The following FAM120A variants were observed in gnomAD, a reference collection of about 807,000 sequenced individuals.
FAM120A encodes the protein family with sequence similarity 120 member A, also known as constitutive coactivator of PPAR-gamma-like protein 1.
A neutral mutation model predicts 109.7 loss-of-function variants in FAM120A; 15 were observed. The ratio of observed to expected loss-of-function variants is 0.14; its 90% CI spans 0.09 to 0.21. FAM120A has a LOEUF of 0.21. Among genes scored for constraint, FAM120A ranks in the 10% least tolerant of loss-of-function variants. The probability of loss-of-function intolerance (pLI) is 1.00; values close to 1 mark genes in which losing one functional copy is unlikely to be tolerated. For missense variants in FAM120A, 899 were observed against 1,439.3 expected (o/e 0.62, Z 6.07); for synonymous variants, 493 against 572.8 (o/e 0.86, Z 1.99).
chr9:93,523,720 AGCGAGAAGT>A (rs1234100702), intron 7 of FAM120A, among the ~76,000 whole-genome samples: 1 of 152,232 alleles, frequency 6.6e-6, no homozygotes, highest in Non-Finnish European at 1.5e-5. Flanking sequence ...TTCTGATGAC[AGCGAGAAGT>A]GCCAACAAGG....
Position 93,564,387 on chromosome 9 carries a change from G to T in FAM120A, c.3204G>T (p.Thr1068=), listed in dbSNP as rs377566974. The change falls in exon 18 of 18, where the codon ACG becomes ACT. Residue 1068 remains threonine (T), a synonymous_variant. Coordinates refer to ENST00000277165, the MANE Select transcript of FAM120A (RefSeq NM_014612.5). The part of the protein sequence containing the change: ...EKPAPQMNGS[T]GDARAPSHSE... The stretch of plus-strand genomic sequence containing the variant: ...CGGCTCCCCAGATGAACGGGAGCAC[G>T]GGTGACGCCAGGGCCCCCAGCCACT... The T allele has an allele frequency of 6.2e-7, 1 of 1,614,096 alleles. No individual in the cohort carries two copies. The highest frequency in any genetic ancestry group is 8.5e-7 in the Non-Finnish European group (1 of 1,180,012).
chr9:93,510,259 A>G (rs1860250863), intron 5 of FAM120A, among the ~76,000 whole-genome samples: 3 of 152,220 alleles, frequency 2.0e-5, no homozygotes, highest in African/African-American at 4.8e-5. Context: ...AGGAAGTGAC[A>G]CAGGCTGCCT....
chr9:93,498,974 G>A lies in FAM120A; in HGVS notation c.1030+88G>A. 2 of 925,806 alleles carry A rather than the reference G, an allele frequency of 2.2e-6. No homozygotes were observed. The highest frequency in any genetic ancestry group is 1.7e-6 in the Non-Finnish European group (1 of 574,518). The allele number at this position is 925,806 out of a possible 1,614,324, so 57.3% of individuals were successfully genotyped here. A position where few individuals can be genotyped will look rare whatever the true frequency, so the allele number is the denominator to read the frequency against. On this transcript the variant is annotated intron_variant, in intron 5 of 17. Coordinates refer to ENST00000277165, the MANE Select transcript of FAM120A (RefSeq NM_014612.5). This position sits in a 1 kb window ranked among gnomAD's most constrained non-coding sequence, Gnocchi z 4.4. ...TCACCATATAATCTTGTAGGTTTAT[G>A]TTTTTGAAACATGATTTTCTGTAGT... is the stretch of plus-strand genomic sequence containing the variant.
At position 93,463,956 on chromosome 9, in the gene FAM120A, A is replaced by G. The variant is rs187564714; in HGVS notation, c.475-7185A>G. Among the ~76,000 whole-genome samples, 4 of 152,356 alleles carry G rather than the reference A, an allele frequency of 2.6e-5. No individual in the cohort carries two copies. The East Asian group carries it at 7.7e-4, about 29-fold the overall frequency. ...ATTTGTGAATGCTTCTGAGCTGTTT[A>G]CATGTAGTATATTTAATCATCGCAG... On this transcript the variant is annotated intron_variant, in intron 1 of 17. Transcript: ENST00000277165.
At position 93,500,535 on chromosome 9, in the gene FAM120A, C is replaced by T. The variant is rs1409384666; in HGVS notation, c.1030+1649C>T. Among the ~76,000 whole-genome samples the T allele has an allele frequency of 6.6e-6, 1 of 152,228 alleles. No homozygotes were observed. Among genetic ancestry groups the T allele is most frequent in the East Asian group, 1.9e-4 (1 of 5,196 alleles). On this transcript the variant is annotated intron_variant, in intron 5 of 17. Transcript: ENST00000277165. The surrounding 1 kb of genome is among the most constrained non-coding windows in gnomAD (Gnocchi z 4.6). ...CCACCCCTTCCCCCGTCACTCCCCACAATGTAAAGTCTAGGGTAATGAGGG... is the reference window on the plus strand; with the variant it reads ...CCACCCCTTCCCCCGTCACTCCCCATAATGTAAAGTCTAGGGTAATGAGGG...
At chr9:93,523,003 C>T (rs142729629) in intron 7 of FAM120A, among the ~76,000 whole-genome samples, 12 of 152,258 alleles carry the variant, frequency 7.9e-5, no homozygotes, top group African/African-American at 2.4e-4. Context: ...ACCTGAAGCT[C>T]GCAGAACCTC....
intron 3 of FAM120A, among the ~76,000 whole-genome samples, chr9:93,485,532 G>A (rs1432609423): frequency 1.3e-5 from 2 of 152,164 alleles, no homozygotes; most frequent in African/African-American, 4.8e-5. Flanking sequence ...GGGATATCAA[G>A]GCTGCAGTGA....
intron 1 of FAM120A, among the ~76,000 whole-genome samples, chr9:93,463,675 A>G (rs1331478476): frequency 6.6e-6 from 1 of 152,186 alleles, no homozygotes; most frequent in Non-Finnish European, 1.5e-5. Flanking sequence ...ATTTAGGTGG[A>G]CCTATACGCT....
At position 93,451,898 on chromosome 9, in the gene FAM120A, C is replaced by T. The variant is rs1248681638; in HGVS notation, c.-18C>T. ...GCCGCCCCCCGCCCGCACCCGCGCCCGCGCCCCCGCCGCCGCCATGGGCGT... is the reference window on the plus strand; with the variant it reads ...GCCGCCCCCCGCCCGCACCCGCGCCTGCGCCCCCGCCGCCGCCATGGGCGT... On this transcript the variant is annotated 5_prime_UTR_variant, in exon 1 of 18. Transcript: ENST00000277165. The T allele has an allele frequency of 4.0e-6, 5 of 1,260,842 alleles. No homozygotes were observed. The African/African-American group carries it at 6.3e-5, about 16-fold the overall frequency. 78.1% of individuals were successfully genotyped at this position (1,260,842 alleles called of 1,614,324 possible).
intron 3 of FAM120A, among the ~76,000 whole-genome samples, chr9:93,489,881 A>G (rs1438799250): frequency 6.6e-6 from 1 of 152,166 alleles, no homozygotes; most frequent in African/African-American, 2.4e-5. Flanking sequence ...TCAAAAGCAG[A>G]GACTGCTGGG....
intron 7 of FAM120A, among the ~76,000 whole-genome samples, chr9:93,517,213 A>G (rs543703640): frequency 5.9e-5 from 9 of 152,366 alleles, no homozygotes; most frequent in African/African-American, 1.9e-4. Flanking sequence ...TACCCTGTTT[A>G]TAGCAGAGAA....
At chr9:93,455,375 A>G (rs1857506231) in intron 1 of FAM120A, among the ~76,000 whole-genome samples, 1 of 152,232 alleles carries the variant, frequency 6.6e-6, no homozygotes, top group Admixed American at 6.5e-5. Flanking sequence ...AGGGGACAGC[A>G]GGAGAGATCT....
chr9:93,519,228 T>A (rs764685333), intron 7 of FAM120A, among the ~76,000 whole-genome samples: 18 of 152,164 alleles, frequency 1.2e-4, no homozygotes, highest in Non-Finnish European at 2.9e-5. Context: ...TAGAAATGTT[T>A]ATATATATGT....
At chr9:93,494,214 G>A (rs1425110660) in intron 3 of FAM120A, among the ~76,000 whole-genome samples, 1 of 152,192 alleles carries the variant, frequency 6.6e-6, no homozygotes, top group East Asian at 1.9e-4. Context: ...TCGGACTTTG[G>A]ATTTGTGCTG....
intron 3 of FAM120A, among the ~76,000 whole-genome samples, chr9:93,492,985 T>TG (rs1859397809): frequency 6.6e-6 from 1 of 152,314 alleles, no homozygotes; most frequent in East Asian, 1.9e-4. Flanking sequence ...CACATGCCCC[T>TG]GGGAGACAGG....
intron 11 of FAM120A, 49 bp from the exon 12 acceptor site, chr9:93,550,528 C>T (rs748072275): frequency 2.3e-5 from 32 of 1,415,382 alleles, no homozygotes; most frequent in East Asian, 1.4e-4. Flanking sequence ...GTCTATATGA[C>T]GGGCGACCAC....
chr9:93,492,096 T>G (rs1859347144), intron 3 of FAM120A, among the ~76,000 whole-genome samples: 1 of 152,096 alleles, frequency 6.6e-6, no homozygotes, highest in African/African-American at 2.4e-5. Flanking sequence ...GACAAACAAG[T>G]CTTGATGTGT....
At chr9:93,524,920 G>A (rs1347785343) in intron 7 of FAM120A, among the ~76,000 whole-genome samples, 2 of 152,090 alleles carry the variant, frequency 1.3e-5, no homozygotes, top group East Asian at 1.9e-4. Context: ...TCTGGTTTAC[G>A]TACATGGTTC....
In FAM120A at chr9:93,475,963, G is replaced by C. The variant is rs115503805; in HGVS notation, c.722-293G>C. Among the ~76,000 whole-genome samples, 302 of 152,310 alleles carry C rather than the reference G, an allele frequency of 2.0e-3. 2 individuals are homozygous for C. Among genetic ancestry groups the C allele is most frequent in the African/African-American group, 6.9e-3 (285 of 41,574 alleles). ...GGTATTTGATATCCTGACATTGTCA[G>C]ACTGACCTTTTGCAAACTGGTGTTT... is the stretch of plus-strand genomic sequence containing the variant. On this transcript the variant is annotated intron_variant, in intron 2 of 17. Transcript: ENST00000277165.
Sources: gnomAD v4.1 joint callset for allele counts (sites outside exome capture counted in the v4.1 genomes callset) on GRCh38, gnomAD v4.1.1 for gene constraint, Gnocchi (gnomAD v3.1) non-coding constraint, MANE v1.5 for transcripts, NCBI Gene and HGNC (gene_info 2026-07-23, HGNC 2026-07-21) for gene names.